COA1: variants seen among roughly 807,000 people sequenced by gnomAD.
COA1 encodes the protein cytochrome c oxidase assembly factor 1.
A neutral mutation model predicts 16.0 loss-of-function variants in COA1; 13 were observed. That is an observed-to-expected ratio of 0.81 (90% CI 0.53 to 1.29). The LOEUF is 1.29. Among genes scored for constraint, COA1 ranks in the 50% most tolerant of loss-of-function variants. The pLI is 0.00. For synonymous variants in COA1, 65 were observed against 65.7 expected (o/e 0.99, Z 0.05); for missense variants, 179 against 177.0 (o/e 1.01, Z -0.06).
At chr7:43,664,693 A>C (rs374428275) in intron 1 of COA1, among the ~76,000 whole-genome samples, 2 of 152,208 alleles carry the variant, frequency 1.3e-5, no homozygotes, top group South Asian at 2.1e-4. Context: ...GCTTCAGTGA[A>C]CCATAATCAT....
chr7:43,629,495 G>A (rs1046024333), intron 6 of COA1, among the ~76,000 whole-genome samples: 4 of 152,116 alleles, frequency 2.6e-5, no homozygotes, highest in Non-Finnish European at 5.9e-5. Context: ...CTGTATCCCT[G>A]TGTATTTCAT....
chr7:43,653,337 G>A (rs188883842), intron 1 of COA1, among the ~76,000 whole-genome samples: 234 of 151,884 alleles, frequency 1.5e-3, no homozygotes, highest in Middle Eastern at 3.4e-3. Context: ...AAGTATGAAC[G>A]GCAAAAACAA....
chr7:43,697,572 C>G (rs1451224981), intron 1 of COA1, among the ~76,000 whole-genome samples: 1 of 152,186 alleles, frequency 6.6e-6, no homozygotes, highest in Admixed American at 6.5e-5. Context: ...GTATGAGCCA[C>G]CGCACCCAGC....
At chr7:43,619,546 T>G (rs533729277) in intron 6 of COA1, 184 of 1,587,642 alleles carry the variant, frequency 1.2e-4, no homozygotes, top group South Asian at 9.8e-4. Flanking sequence ...GCATGTTTTG[T>G]GTACTTAATC....
chr7:43,627,194 A>G (rs568774175), intron 6 of COA1, among the ~76,000 whole-genome samples: 2 of 152,224 alleles, frequency 1.3e-5, no homozygotes, highest in African/African-American at 4.8e-5. Context: ...ATAAGTTTTA[A>G]TCAACTGGGA....
At chr7:43,684,937 G>C (rs373618527) in intron 1 of COA1, among the ~76,000 whole-genome samples, 35 of 152,068 alleles carry the variant, frequency 2.3e-4, no homozygotes, top group African/African-American at 8.0e-4. Flanking sequence ...TCAGTGAAGA[G>C]AGTGAGAGAT....
At position 43,681,161 on chromosome 7, in the gene COA1, A is replaced by T. The variant is rs572706053; in HGVS notation, c.-38-32509T>A. ...CTCCTCCTAAAAAAATCTCAAATAAATACTATAGGATTGACCCATTCATCG... is the reference window on the plus strand; with the variant it reads ...CTCCTCCTAAAAAAATCTCAAATAATTACTATAGGATTGACCCATTCATCG... On this transcript the variant is annotated intron_variant, in intron 1 of 5. Transcript: ENST00000223336. Among the ~76,000 whole-genome samples the T allele has an allele frequency of 3.9e-5, 6 of 152,278 alleles. No homozygotes were observed. In the South Asian group the frequency reaches 1.2e-3, roughly 32 times the overall value.
exon 7 of COA1, chr7:43,608,629 T>C (rs559691464): frequency 5.6e-5 from 21 of 371,992 alleles, no homozygotes; most frequent in Non-Finnish European, 8.5e-5. Context: ...AGAAAGGAAC[T>C]CAAAATATGA....
chr7:43,614,759 C>T (rs1409824777), intron 6 of COA1, among the ~76,000 whole-genome samples: 1 of 152,158 alleles, frequency 6.6e-6, no homozygotes, highest in Non-Finnish European at 1.5e-5. Context: ...ATTGGTGTAT[C>T]ATAGATGCAT....
intron 1 of COA1, among the ~76,000 whole-genome samples, chr7:43,672,223 G>C (rs1321393979): frequency 6.6e-6 from 1 of 152,126 alleles, no homozygotes; most frequent in Non-Finnish European, 1.5e-5. Context: ...GACACAGTAA[G>C]AAAACTGCAG....
At chr7:43,701,836 T>C (rs570687753) in intron 1 of COA1, among the ~76,000 whole-genome samples, 41 of 152,170 alleles carry the variant, frequency 2.7e-4, no homozygotes, top group African/African-American at 9.9e-4. Flanking sequence ...TAATAATTAG[T>C]GATAGTGAGC....
chr7:43,676,767 C>A (rs986327881), intron 1 of COA1, among the ~76,000 whole-genome samples: 1 of 151,588 alleles, frequency 6.6e-6, no homozygotes, highest in South Asian at 2.1e-4. Flanking sequence ...TCACATTGTA[C>A]CCCATAAATA....
chr7:43,661,655 C>T (rs1487462206), intron 1 of COA1, among the ~76,000 whole-genome samples: 16 of 143,648 alleles, frequency 1.1e-4, no homozygotes, highest in African/African-American at 4.2e-4. Flanking sequence ...AAAAAAGAGA[C>T]ATTTCCAGAA....
At chr7:43,709,174 C>T (rs932417604) in intron 1 of COA1, among the ~76,000 whole-genome samples, 2 of 151,964 alleles carry the variant, frequency 1.3e-5, no homozygotes, top group African/African-American at 4.8e-5. Context: ...CAGGCGCCTG[C>T]CACCACACCT....
In COA1 at chr7:43,691,403, G is replaced by A. The variant is rs1563384658; in HGVS notation, c.-39+38026C>T. 2.7e-4 allele frequency among the ~76,000 whole-genome samples: 29 copies of A among 105,932 alleles called. 1 individual carries two copies. Among genetic ancestry groups the A allele is most frequent in the Admixed American group, 4.4e-4 (4 of 9,100 alleles). 69.5% of individuals were successfully genotyped at this position (105,932 alleles called of 152,430 possible). A position where few individuals can be genotyped will look rare whatever the true frequency, so the allele number is the denominator to read the frequency against. ...AGGAAGGAAGGAAGGAAGGAAGGAA[G>A]GAAGGAAGGAAGAAAGAAAAAGAAA... On this transcript the variant is annotated intron_variant, in intron 1 of 5. Transcript: ENST00000223336.
intron 5 of COA1, 81 bp from the exon 6 acceptor site, chr7:43,639,762 G>T (rs2086598521): frequency 1.8e-6 from 2 of 1,109,900 alleles, no homozygotes; most frequent in African/African-American, 1.6e-5. Flanking sequence ...GGCGCGGAAA[G>T]CAGTTGTTTT....
At chr7:43,633,466 A>G (rs1207181340) in intron 6 of COA1, 1 of 152,238 alleles carries the variant, frequency 6.6e-6, no homozygotes, top group African/African-American at 2.4e-5. Flanking sequence ...CAGAACACAC[A>G]CATTTATCAA....
At chr7:43,624,724 A>G (rs2084305383) in intron 6 of COA1, 6 of 1,614,094 alleles carry the variant, frequency 3.7e-6, no homozygotes, top group Non-Finnish European at 5.1e-6. Context: ...GTTACTTCAT[A>G]TACTCTAGGA....
chr7:43,633,959 T>C (rs1485832512), intron 6 of COA1, among the ~76,000 whole-genome samples: 3 of 152,194 alleles, frequency 2.0e-5, no homozygotes, highest in Admixed American at 6.5e-5. Flanking sequence ...ATTCAGTGAT[T>C]GTTTTCTCGT....
Sources: gnomAD v4.1 joint callset for allele counts (sites outside exome capture counted in the v4.1 genomes callset) on GRCh38, gnomAD v4.1.1 for gene constraint, MANE v1.5 for transcripts, NCBI Gene and HGNC (gene_info 2026-07-23, HGNC 2026-07-21) for gene names.